Variants in SEMA3E observed in about 807,000 individuals in gnomAD.
SEMA3E encodes semaphorin 3E.
Under a neutral mutation model 93.6 loss-of-function variants are expected in SEMA3E, and 49 were observed. The observed-to-expected ratio is 0.52, with a 90% CI of 0.42 to 0.66. The LOEUF (loss-of-function observed/expected upper bound fraction) is 0.66, where lower values mean the gene tolerates loss of function less well. Among genes scored for constraint, SEMA3E ranks in the 30% least tolerant of loss-of-function variants. SEMA3E has a pLI of 0.00. For missense variants in SEMA3E, 906 were observed against 964.8 expected (o/e 0.94, Z 0.81); for synonymous variants, 363 against 330.7 (o/e 1.10, Z -1.06).
chr7:83,594,873 C>A (rs1350072615), intron 1 of SEMA3E, among the ~76,000 whole-genome samples: 1 of 150,762 alleles, frequency 6.6e-6, no homozygotes, highest in Non-Finnish European at 1.5e-5. Flanking sequence ...TTTGCATCTG[C>A]AATTTGTTTA....
chr7:83,438,146 T>C (rs1271018370), intron 4 of SEMA3E, among the ~76,000 whole-genome samples: 1 of 152,158 alleles, frequency 6.6e-6, no homozygotes, highest in Non-Finnish European at 1.5e-5. Flanking sequence ...ATCTTTGGTA[T>C]TGATTTTTAT....
At chr7:83,647,406 A>AT (rs1794093583) in intron 1 of SEMA3E, among the ~76,000 whole-genome samples, 1 of 152,258 alleles carries the variant, frequency 6.6e-6, no homozygotes, top group South Asian at 2.1e-4. Context: ...AGCTTACACA[A>AT]TTGAAAAATG....
intron 14 of SEMA3E, among the ~76,000 whole-genome samples, chr7:83,391,104 C>G (rs571494530): frequency 1.6e-4 from 25 of 152,258 alleles, no homozygotes; most frequent in Middle Eastern, 3.4e-3. Context: ...TCACTCCTGA[C>G]CCATGGTACG....
rs982524506 is a variant in SEMA3E, at chr7:83,367,519, T to C, written c.*67A>G. ...TAAGTAATGCAAAGAAGTTGGATGA[T>C]TTATTTTTTTACTTTTTTACTTTCC... On this transcript the variant is annotated 3_prime_UTR_variant, in exon 17 of 17. Coordinates refer to ENST00000643230, the MANE Select transcript of SEMA3E (RefSeq NM_012431.3). 1 of 1,513,848 alleles carries C rather than the reference T, an allele frequency of 6.6e-7. No individual in the cohort carries two copies. Among genetic ancestry groups the C allele is most frequent in the Non-Finnish European group, 9.2e-7 (1 of 1,089,354 alleles). 93.8% of individuals were successfully genotyped at this position (1,513,848 alleles called of 1,614,324 possible). A position where few individuals can be genotyped will look rare whatever the true frequency, so the allele number is the denominator to read the frequency against.
intron 3 of SEMA3E, among the ~76,000 whole-genome samples, chr7:83,467,796 C>T (rs917723024): frequency 6.6e-6 from 1 of 152,180 alleles, no homozygotes; most frequent in African/African-American, 2.4e-5. Flanking sequence ...CGCATCTCGG[C>T]ATTTCCCAGT....
chr7:83,474,129 G>A (rs933068431), intron 2 of SEMA3E, among the ~76,000 whole-genome samples: 11 of 147,148 alleles, frequency 7.5e-5, no homozygotes, highest in South Asian at 2.2e-4. Context: ...AAAATAAGAC[G>A]TATGCTTTTT....
chr7:83,446,602 T>G (rs888084549), intron 4 of SEMA3E, among the ~76,000 whole-genome samples: 4 of 152,178 alleles, frequency 2.6e-5, no homozygotes, highest in African/African-American at 9.6e-5. Context: ...AAGGTATAGA[T>G]TCACACAGCA....
intron 1 of SEMA3E, among the ~76,000 whole-genome samples, chr7:83,526,090 C>G (rs899280787): frequency 1.3e-5 from 2 of 151,942 alleles, no homozygotes; most frequent in South Asian, 4.2e-4. Flanking sequence ...CTAGGTGGCT[C>G]TCAATAGAAC....
chr7:83,571,737 G>C (rs1378239553), intron 1 of SEMA3E, among the ~76,000 whole-genome samples: 4 of 152,134 alleles, frequency 2.6e-5, no homozygotes, highest in Non-Finnish European at 5.9e-5. Context: ...AATCAGGCAA[G>C]AGAAAGAAAT....
intron 1 of SEMA3E, among the ~76,000 whole-genome samples, chr7:83,623,705 C>T (rs1191183339): frequency 6.6e-6 from 1 of 151,592 alleles, no homozygotes; most frequent in Non-Finnish European, 1.5e-5. Context: ...TCCTTACTTA[C>T]CTGAGATAGA....
At chr7:83,601,094 T>G (rs773300252) in intron 1 of SEMA3E, among the ~76,000 whole-genome samples, 1 of 151,998 alleles carries the variant, frequency 6.6e-6, no homozygotes, top group East Asian at 1.9e-4. Context: ...GTCAGAATGG[T>G]GCAAGGAAGG....
intron 1 of SEMA3E, among the ~76,000 whole-genome samples, chr7:83,531,207 AT>A (rs1791287530): frequency 6.6e-6 from 1 of 151,770 alleles, no homozygotes; most frequent in Non-Finnish European, 1.5e-5. Flanking sequence ...TTAATATTTT[AT>A]TTGTTCAAGT....
At position 83,364,700 on chromosome 7, in the gene SEMA3E, C is replaced by T. The variant is rs1049886094; in HGVS notation, c.*2886G>A. The T allele has an allele frequency of 6.6e-6, 1 of 152,214 alleles. No homozygotes were observed. Among genetic ancestry groups the T allele is most frequent in the African/African-American group, 2.4e-5 (1 of 41,448 alleles). 9.4% of individuals were successfully genotyped at this position (152,214 alleles called of 1,614,324 possible). A position where few individuals can be genotyped will look rare whatever the true frequency, so the allele number is the denominator to read the frequency against. ...TCAAAACTAAGTCTATCCACAGGTCCTCTCCTGTAACAAAGATAGAAGAGG... is the reference window on the plus strand; with the variant it reads ...TCAAAACTAAGTCTATCCACAGGTCTTCTCCTGTAACAAAGATAGAAGAGG... On this transcript the variant is annotated 3_prime_UTR_variant, in exon 17 of 17. Coordinates refer to ENST00000643230, the MANE Select transcript of SEMA3E (RefSeq NM_012431.3).
At chr7:83,506,420 A>T (rs2115626061) in intron 1 of SEMA3E, among the ~76,000 whole-genome samples, 1 of 152,202 alleles carries the variant, frequency 6.6e-6, no homozygotes, top group East Asian at 1.9e-4. Flanking sequence ...AATCAAAATA[A>T]TTGATCTGAG....
chr7:83,404,734 G>A (rs1389899101), intron 9 of SEMA3E, among the ~76,000 whole-genome samples: 2 of 151,978 alleles, frequency 1.3e-5, no homozygotes, highest in African/African-American at 4.8e-5. Context: ...AGCAAATGAT[G>A]AACGTGTTCA....
intron 15 of SEMA3E, among the ~76,000 whole-genome samples, chr7:83,385,786 G>A (rs1391646621): frequency 3.3e-5 from 5 of 152,098 alleles, no homozygotes; most frequent in African/African-American, 7.2e-5. Flanking sequence ...GACAAAATTC[G>A]TGGATACAAA....
intron 2 of SEMA3E, 90 bp from the exon 3 acceptor site, chr7:83,469,392 C>G (rs1789843290): frequency 2.8e-6 from 2 of 723,368 alleles, no homozygotes; most frequent in South Asian, 1.8e-5. Context: ...CAGTTCAAAA[C>G]ATTTCCTTTT....
chr7:83,374,073 G>A (rs1039068645), intron 16 of SEMA3E, among the ~76,000 whole-genome samples: 5 of 151,922 alleles, frequency 3.3e-5, no homozygotes, highest in Non-Finnish European at 7.4e-5. Flanking sequence ...AGGTGTGGTG[G>A]CATATGGGTG....
chr7:83,631,496 T>C (rs541315311), intron 1 of SEMA3E, among the ~76,000 whole-genome samples: 1 of 152,348 alleles, frequency 6.6e-6, no homozygotes, highest in Non-Finnish European at 1.5e-5. Flanking sequence ...CGACAATGAA[T>C]GCAACTTTTA....
Sources: allele counts gnomAD v4.1 joint callset (sites outside exome capture counted in the v4.1 genomes callset), GRCh38; gene constraint gnomAD v4.1.1; transcripts MANE v1.5; gene names NCBI Gene and HGNC (gene_info 2026-07-23, HGNC 2026-07-21).